TEAD4: variants seen among roughly 807,000 people sequenced by gnomAD.
The protein encoded by TEAD4 is TEA domain transcription factor 4, also known as transcriptional enhancer factor TEF-3.
In TEAD4, 36 loss-of-function variants were observed where a neutral mutation model predicts 52.4. The ratio of observed to expected loss-of-function variants is 0.69; its 90% CI spans 0.53 to 0.91. TEAD4 has a LOEUF of 0.91. TEAD4 is among the 40% of genes least tolerant of loss of function. TEAD4 has a pLI of 0.00. For synonymous variants in TEAD4, 220 were observed against 231.0 expected (o/e 0.95, Z 0.43); for missense variants, 508 against 583.9 (o/e 0.87, Z 1.34).
At chr12:3,034,203 A>T (rs1001353882) in intron 10 of TEAD4, among the ~76,000 whole-genome samples, 7 of 146,708 alleles carry the variant, frequency 4.8e-5, no homozygotes, top group African/African-American at 1.4e-4. Flanking sequence ...CGATGGGAAG[A>T]GCCAGGGAGT....
intron 3 of TEAD4, among the ~76,000 whole-genome samples, chr12:3,006,156 G>C (rs1195322224): frequency 6.6e-6 from 1 of 152,138 alleles, no homozygotes; most frequent in Non-Finnish European, 1.5e-5. Flanking sequence ...AATACAGGTT[G>C]AGCATCCCAA....
At chr12:2,974,400 A>G (rs546343079) in intron 2 of TEAD4, among the ~76,000 whole-genome samples, 6 of 152,300 alleles carry the variant, frequency 3.9e-5, no homozygotes, top group East Asian at 3.9e-4. Flanking sequence ...TACATGAAAA[A>G]TGACCAAGGC....
chr12:2,989,475 G>A (rs2098241331), intron 2 of TEAD4, among the ~76,000 whole-genome samples: 1 of 152,142 alleles, frequency 6.6e-6, no homozygotes, highest in South Asian at 2.1e-4. Flanking sequence ...ATCTCCTTCT[G>A]TCGCCCAGGC....
At chr12:3,024,122 A>G (rs1396756370) in intron 10 of TEAD4, among the ~76,000 whole-genome samples, 3 of 151,834 alleles carry the variant, frequency 2.0e-5, no homozygotes, top group East Asian at 3.9e-4. Context: ...CACCCAGGCT[A>G]GAGGTGCAGT....
intron 2 of TEAD4, among the ~76,000 whole-genome samples, chr12:2,992,945 T>A (rs2098244319): frequency 6.6e-6 from 1 of 152,156 alleles, no homozygotes; most frequent in Non-Finnish European, 1.5e-5. Flanking sequence ...AAGGTGGGGT[T>A]GTGACCATGA....
intron 2 of TEAD4, among the ~76,000 whole-genome samples, chr12:2,993,943 C>A (rs2098245151): frequency 6.6e-6 from 1 of 152,190 alleles, no homozygotes. Context: ...AGGTATACAC[C>A]ACATTTTGTT....
chr12:3,010,054 C>T (rs2098259049), intron 3 of TEAD4, among the ~76,000 whole-genome samples: 1 of 152,194 alleles, frequency 6.6e-6, no homozygotes, highest in Admixed American at 6.5e-5. Context: ...CCCTCTGATC[C>T]CCCCACTCAA....
intron 3 of TEAD4, among the ~76,000 whole-genome samples, chr12:3,009,930 A>AACCCAGGTGGCAGGG (rs1377526581): frequency 2.0e-5 from 3 of 152,176 alleles, no homozygotes; most frequent in African/African-American, 7.2e-5. Flanking sequence ...CTCTGGTTAC[A>AACCCAGGTGGCAGGG]ACCCAGGTGG....
At chr12:2,981,718 C>T in intron 2 of TEAD4, among the ~76,000 whole-genome samples, 1 of 152,126 alleles carries the variant, frequency 6.6e-6, no homozygotes, top group East Asian at 1.9e-4. Flanking sequence ...CTGAGGCCCA[C>T]CCTAAGCAGG....
At chr12:3,018,150 G>A (rs557783353) in intron 6 of TEAD4, among the ~76,000 whole-genome samples, 50 of 152,330 alleles carry the variant, frequency 3.3e-4, no homozygotes, top group African/African-American at 1.1e-3. Flanking sequence ...TTCAAAGTGC[G>A]TCCCAGAGAG....
intron 10 of TEAD4, among the ~76,000 whole-genome samples, chr12:3,036,084 T>A (rs1482360887): frequency 3.3e-5 from 5 of 152,122 alleles, no homozygotes; most frequent in Non-Finnish European, 4.4e-5. Flanking sequence ...GGAGGGTGTT[T>A]AGGATAAATG....
At chr12:2,972,525 G>A (rs1225949596) in intron 2 of TEAD4, among the ~76,000 whole-genome samples, 14 of 44,156 alleles carry the variant, frequency 3.2e-4, no homozygotes, top group East Asian at 1.3e-3. Context: ...TTGAGACAGA[G>A]TTTTGCTTTT....
chr12:2,991,767 G>A (rs12827534), intron 2 of TEAD4, among the ~76,000 whole-genome samples: 89,651 of 151,020 alleles, frequency 0.59, 31,654 homozygotes, highest in East Asian at 0.78. Context: ...GTTTATTCCC[G>A]AAAAAGCGAC....
intron 2 of TEAD4, among the ~76,000 whole-genome samples, chr12:2,992,009 G>T (rs1422062495): frequency 3.1e-5 from 4 of 130,702 alleles, no homozygotes. Context: ...GGGGGGGGCG[G>T]TTCCTGCTTT....
At chr12:3,008,624 G>T (rs2098257749) in intron 3 of TEAD4, among the ~76,000 whole-genome samples, 1 of 152,200 alleles carries the variant, frequency 6.6e-6, no homozygotes, top group African/African-American at 2.4e-5. Flanking sequence ...ACCCTGGAGG[G>T]TGCGGTGGTG....
intron 2 of TEAD4, among the ~76,000 whole-genome samples, chr12:2,966,260 G>A (rs2098220134): frequency 6.6e-6 from 1 of 152,100 alleles, no homozygotes; most frequent in African/African-American, 2.4e-5. Flanking sequence ...TACGCTGGAT[G>A]CTGACTCCTA....
chr12:2,987,991 C>T (rs2098239998), intron 2 of TEAD4, among the ~76,000 whole-genome samples: 1 of 151,072 alleles, frequency 6.6e-6, no homozygotes, highest in African/African-American at 2.4e-5. Flanking sequence ...TCACTTGAGC[C>T]TGGGAGGTGG....
intron 2 of TEAD4, among the ~76,000 whole-genome samples, chr12:2,968,241 C>T (rs1208610607): frequency 6.6e-6 from 1 of 151,904 alleles, no homozygotes; most frequent in African/African-American, 2.4e-5. Context: ...CATTTGCCAC[C>T]ATGCCTGGCT....
At chr12:2,978,456 A>G (rs57638188) in intron 2 of TEAD4, among the ~76,000 whole-genome samples, 4,902 of 149,366 alleles carry the variant, frequency 0.033, 275 homozygotes, top group African/African-American at 0.11. Context: ...TTTATTGCCC[A>G]GGCTGGAGTG....
Sources: gnomAD v4.1 joint callset for allele counts (sites outside exome capture counted in the v4.1 genomes callset) on GRCh38, gnomAD v4.1.1 for gene constraint, MANE v1.5 for transcripts, NCBI Gene and HGNC (gene_info 2026-07-23, HGNC 2026-07-21) for gene names.